SLC24A3: variants seen among roughly 807,000 people sequenced by gnomAD.
SLC24A3 encodes the protein sodium/potassium/calcium exchanger 3.
In SLC24A3, 28 loss-of-function variants were observed where a neutral mutation model predicts 75.8. The observed-to-expected ratio is 0.37, with a 90% confidence interval of 0.27 to 0.51. The LOEUF is 0.51. Ranked by LOEUF, SLC24A3 falls within the 20% of genes least tolerant of loss-of-function variation. The pLI, the probability that SLC24A3 is intolerant of heterozygous loss-of-function variation, is 0.94. For missense variants in SLC24A3, 663 were observed against 847.8 expected (o/e 0.78, Z 2.71); for synonymous variants, 372 against 334.1 (o/e 1.11, Z -1.24).
intron 1 of SLC24A3, among the ~76,000 whole-genome samples, chr20:19,253,162 G>A (rs1031439419): frequency 6.6e-6 from 1 of 152,170 alleles, no homozygotes; most frequent in African/African-American, 2.4e-5. Context: ...TATAGGAGTA[G>A]GTAGAGGAGG....
intron 8 of SLC24A3, among the ~76,000 whole-genome samples, chr20:19,667,751 G>A (rs190302185): frequency 2.0e-4 from 30 of 152,290 alleles, no homozygotes; most frequent in African/African-American, 4.3e-4. Flanking sequence ...ATTTCACTCC[G>A]TATCCTCAAA....
intron 2 of SLC24A3, among the ~76,000 whole-genome samples, chr20:19,504,234 C>T (rs1988429267): frequency 6.6e-6 from 1 of 152,162 alleles, no homozygotes; most frequent in African/African-American, 2.4e-5. Context: ...AGAGGGGAAG[C>T]AGAGGGAAAC....
At chr20:19,538,321 T>C (rs1433113022) in intron 3 of SLC24A3, among the ~76,000 whole-genome samples, 1 of 152,148 alleles carries the variant, frequency 6.6e-6, no homozygotes, top group East Asian at 1.9e-4. Flanking sequence ...CAGACCAGGA[T>C]GGAAGCTGGT....
At chr20:19,401,369 G>T (rs1368392224) in intron 2 of SLC24A3, among the ~76,000 whole-genome samples, 1 of 152,202 alleles carries the variant, frequency 6.6e-6, no homozygotes, top group Non-Finnish European at 1.5e-5. Context: ...AAGATTTCTA[G>T]ATGGAAACGA....
At chr20:19,650,292 C>G (rs950260420) in intron 6 of SLC24A3, among the ~76,000 whole-genome samples, 2 of 152,156 alleles carry the variant, frequency 1.3e-5, no homozygotes, top group Admixed American at 1.3e-4. Flanking sequence ...ACTATCCACC[C>G]ACATTTGACA....
intron 9 of SLC24A3, among the ~76,000 whole-genome samples, chr20:19,678,753 G>A: frequency 6.6e-6 from 1 of 150,474 alleles, no homozygotes; most frequent in South Asian, 2.1e-4. Flanking sequence ...AGACGGGGCG[G>A]CTGCCGGGCG....
intron 1 of SLC24A3, among the ~76,000 whole-genome samples, chr20:19,231,962 C>G (rs1409982228): frequency 2.0e-5 from 3 of 152,218 alleles, no homozygotes; most frequent in African/African-American, 7.2e-5. Flanking sequence ...AGAGCAGAAA[C>G]TTGGTTTGGT....
intron 8 of SLC24A3, among the ~76,000 whole-genome samples, chr20:19,666,343 A>G (rs923595327): frequency 7.2e-5 from 11 of 151,864 alleles, no homozygotes; most frequent in Non-Finnish European, 1.0e-4. Flanking sequence ...CGTCTCTACT[A>G]AAAATACAAA....
intron 1 of SLC24A3, among the ~76,000 whole-genome samples, chr20:19,263,033 T>TTG (rs11473481): frequency 0.2 from 28,026 of 143,070 alleles, 2,793 homozygotes; most frequent in Non-Finnish European, 0.24. Context: ...ACTCCAGCCT[T>TTG]TGTGTGTGTG....
At chr20:19,414,113 G>A (rs1424916352) in intron 2 of SLC24A3, among the ~76,000 whole-genome samples, 1 of 152,122 alleles carries the variant, frequency 6.6e-6, no homozygotes, top group Non-Finnish European at 1.5e-5. Context: ...AATAGCAGAA[G>A]GACATCATTT....
intron 6 of SLC24A3, among the ~76,000 whole-genome samples, chr20:19,638,374 C>T (rs1285255663): frequency 6.6e-6 from 1 of 152,132 alleles, no homozygotes; most frequent in Non-Finnish European, 1.5e-5. Flanking sequence ...AGGGATGAGA[C>T]AGGGAAGAGT....
intron 2 of SLC24A3, among the ~76,000 whole-genome samples, chr20:19,437,300 A>G (rs1463733446): frequency 6.6e-6 from 1 of 152,170 alleles, no homozygotes; most frequent in East Asian, 1.9e-4. Flanking sequence ...TCTCATGATA[A>G]TGAGTGAGTC....
At chr20:19,663,872 C>T (rs1244272003) in intron 7 of SLC24A3, among the ~76,000 whole-genome samples, 1 of 152,142 alleles carries the variant, frequency 6.6e-6, no homozygotes, top group African/African-American at 2.4e-5. Flanking sequence ...AGCTAAAGTC[C>T]TATGAATCTC....
intron 2 of SLC24A3, among the ~76,000 whole-genome samples, chr20:19,481,475 A>G (rs1404361219): frequency 6.6e-6 from 1 of 152,190 alleles, no homozygotes; most frequent in Non-Finnish European, 1.5e-5. Flanking sequence ...CTTTAGACTC[A>G]ACAGAAATTC....
At chr20:19,651,496 C>T (rs995158046) in intron 6 of SLC24A3, among the ~76,000 whole-genome samples, 13 of 150,598 alleles carry the variant, frequency 8.6e-5, no homozygotes, top group Non-Finnish European at 1.8e-4. Context: ...TGATTATCTG[C>T]TTTGATGTAT....
intron 1 of SLC24A3, among the ~76,000 whole-genome samples, chr20:19,227,180 G>T (rs1442617544): frequency 6.6e-6 from 1 of 152,204 alleles, no homozygotes; most frequent in African/African-American, 2.4e-5. Context: ...GAAAGATGGT[G>T]TCCCGTTGGT....
chr20:19,473,744 G>T (rs111320140), intron 2 of SLC24A3, among the ~76,000 whole-genome samples: 2 of 152,214 alleles, frequency 1.3e-5, no homozygotes, highest in African/African-American at 4.8e-5. Flanking sequence ...TCTGGCCACT[G>T]CTATGCAGAG....
At chr20:19,494,260 C>A (rs1215108983) in intron 2 of SLC24A3, among the ~76,000 whole-genome samples, 1 of 152,164 alleles carries the variant, frequency 6.6e-6, no homozygotes. Flanking sequence ...CAGTTTTAGT[C>A]CTTGTGATGA....
At chr20:19,561,558 G>C (rs1160516726) in intron 3 of SLC24A3, among the ~76,000 whole-genome samples, 1 of 152,082 alleles carries the variant, frequency 6.6e-6, no homozygotes, top group Non-Finnish European at 1.5e-5. Context: ...GACCTTTCCT[G>C]GTGATTTTGT....
Sources: gnomAD v4.1 joint callset for allele counts (sites outside exome capture counted in the v4.1 genomes callset) on GRCh38, gnomAD v4.1.1 for gene constraint, MANE v1.5 for transcripts, NCBI Gene and HGNC (gene_info 2026-07-23, HGNC 2026-07-21) for gene names.